Variants in MAP3K13 observed in about 807,000 individuals in gnomAD.
MAP3K13 encodes the protein leucine zipper-bearing kinase.
A neutral mutation model predicts 104.0 loss-of-function variants in MAP3K13; 52 were observed. The observed-to-expected ratio is 0.50, with a 90% confidence interval of 0.40 to 0.63. The LOEUF (loss-of-function observed/expected upper bound fraction) is 0.63, where lower values mean the gene tolerates loss of function less well. Among genes scored for constraint, MAP3K13 ranks in the 20% least tolerant of loss-of-function variants. The probability of loss-of-function intolerance (pLI) is 0.00; values close to 1 mark genes in which losing one functional copy is unlikely to be tolerated. For synonymous variants in MAP3K13, 394 were observed against 442.2 expected, an observed-to-expected ratio of 0.89 and a Z score of 1.37; for missense variants, 914 against 1,218.5, an observed-to-expected ratio of 0.75 and a Z score of 3.72.
chr3:185,356,632 T>C (rs1025554433), intron 2 of MAP3K13, among the ~76,000 whole-genome samples: 4 of 152,184 alleles, frequency 2.6e-5, no homozygotes, highest in Admixed American at 2.0e-4. Flanking sequence ...ACCCAGCCAA[T>C]AGTTGTCAAA....
intron 4 of MAP3K13, among the ~76,000 whole-genome samples, chr3:185,446,337 G>A: frequency 6.6e-6 from 1 of 151,180 alleles, no homozygotes; most frequent in East Asian, 1.9e-4. Context: ...CTCACTGCAA[G>A]CTCCGCCTCC....
chr3:185,459,114 G>A (rs764200988), intron 7 of MAP3K13, among the ~76,000 whole-genome samples: 7 of 152,088 alleles, frequency 4.6e-5, no homozygotes, highest in Non-Finnish European at 1.0e-4. Flanking sequence ...CATTGTGACC[G>A]CCCAGAAATG....
At chr3:185,438,577 G>A (rs6765692) in intron 3 of MAP3K13, among the ~76,000 whole-genome samples, 22,635 of 152,134 alleles carry the variant, frequency 0.15, 1,958 homozygotes, top group South Asian at 0.26. Context: ...CAAAGTGATT[G>A]TTTTCAAGAG....
intron 1 of MAP3K13, among the ~76,000 whole-genome samples, chr3:185,371,809 G>A (rs1724176490): frequency 6.6e-6 from 1 of 152,094 alleles, no homozygotes; most frequent in Non-Finnish European, 1.5e-5. Context: ...TCCTAAAGGG[G>A]GGCTGTCACA....
chr3:185,353,033 C>T (rs766571501), intron 2 of MAP3K13, among the ~76,000 whole-genome samples: 2 of 152,194 alleles, frequency 1.3e-5, no homozygotes, highest in Non-Finnish European at 2.9e-5. Context: ...CTTTCCAATG[C>T]GGCTTCATTA....
At chr3:185,378,336 GC>G (rs1384827022) in intron 1 of MAP3K13, among the ~76,000 whole-genome samples, 1 of 152,190 alleles carries the variant, frequency 6.6e-6, no homozygotes, top group African/African-American at 2.4e-5. Context: ...TGCCAAACGG[GC>G]CATGAACTGG....
intron 2 of MAP3K13, among the ~76,000 whole-genome samples, chr3:185,311,858 T>C (rs1237528711): frequency 1.3e-5 from 2 of 152,208 alleles, no homozygotes; most frequent in African/African-American, 2.4e-5. Context: ...GCCTACACAG[T>C]CATCAAAAGG....
chr3:185,367,834 G>A (rs1030514550), intron 1 of MAP3K13, among the ~76,000 whole-genome samples: 2 of 152,182 alleles, frequency 1.3e-5, no homozygotes, highest in African/African-American at 4.8e-5. Context: ...GTGCTCAAGT[G>A]ATCCTCCTGC....
intron 10 of MAP3K13, among the ~76,000 whole-genome samples, chr3:185,469,706 T>G (rs934583004): frequency 6.6e-6 from 1 of 152,194 alleles, no homozygotes; most frequent in Non-Finnish European, 1.5e-5. Flanking sequence ...GTGGCCTCAC[T>G]TTAGCATCAT....
At position 185,480,240 on chromosome 3, in the gene MAP3K13, G is replaced by T. The variant is rs375416373; in HGVS notation, c.2510G>T (p.Arg837Leu). 6 of 1,613,528 alleles carry T rather than the reference G, an allele frequency of 3.7e-6. No homozygotes were observed. The highest frequency in any genetic ancestry group is 5.1e-6 in the Non-Finnish European group (6 of 1,179,836). Reference protein sequence around the residue: ...VEFPRRQRPHRCISSCQSYST... With the variant: ...VEFPRRQRPHLCISSCQSYST... ...GTTCTTCTTGGTTCTAGGCCCCATC[G>T]CTGTATCAGCAGCTGCCAGTCATAT... The change falls in exon 13 of 14, where the codon CGC becomes CTC. Residue 837 changes from arginine (R) to leucine (L), a missense_variant. By Grantham distance (102) the Arg-to-Leu change is moderately radical. Coordinates refer to ENST00000265026, the MANE Select transcript of MAP3K13 (RefSeq NM_004721.5).
chr3:185,387,254 G>A (rs912326656), intron 1 of MAP3K13, among the ~76,000 whole-genome samples: 3 of 152,148 alleles, frequency 2.0e-5, no homozygotes, highest in Non-Finnish European at 2.9e-5. Context: ...GATCCCTCAT[G>A]AATATACTAA....
At chr3:185,298,922 A>ATGT (rs1721006600) in intron 2 of MAP3K13, among the ~76,000 whole-genome samples, 1 of 152,228 alleles carries the variant, frequency 6.6e-6, no homozygotes, top group Non-Finnish European at 1.5e-5. Flanking sequence ...TGTTTGGAAA[A>ATGT]TGTTGCAGTC....
At chr3:185,305,303 C>A (rs921579453) in intron 2 of MAP3K13, among the ~76,000 whole-genome samples, 2 of 152,120 alleles carry the variant, frequency 1.3e-5, no homozygotes, top group Admixed American at 1.3e-4. Context: ...TTGGTGTTTA[C>A]AATGGGGATT....
chr3:185,375,504 A>G (rs555408450), intron 1 of MAP3K13, among the ~76,000 whole-genome samples: 6 of 152,196 alleles, frequency 3.9e-5, no homozygotes, highest in Non-Finnish European at 8.8e-5. Context: ...AAATGACAAC[A>G]GAATAGAATG....
chr3:185,442,037 T>TGAA (rs1577562950), intron 3 of MAP3K13, among the ~76,000 whole-genome samples: 1 of 103,374 alleles, frequency 9.7e-6, no homozygotes, highest in Non-Finnish European at 2.1e-5. Context: ...CGACTCTGTC[T>TGAA]CAAAAAAAAA....
intron 2 of MAP3K13, among the ~76,000 whole-genome samples, chr3:185,344,945 C>A (rs887348477): frequency 1.3e-5 from 2 of 151,548 alleles, no homozygotes; most frequent in African/African-American, 4.9e-5. Flanking sequence ...GCACTGCAAC[C>A]TCTGCCTCCC....
At chr3:185,376,309 G>A (rs1275611614) in intron 1 of MAP3K13, among the ~76,000 whole-genome samples, 6 of 152,160 alleles carry the variant, frequency 3.9e-5, no homozygotes, top group African/African-American at 1.4e-4. Flanking sequence ...GTGTGAGGAA[G>A]AAAATAGATT....
At chr3:185,405,714 A>G (rs192779877) in intron 1 of MAP3K13, among the ~76,000 whole-genome samples, 5 of 152,264 alleles carry the variant, frequency 3.3e-5, no homozygotes, top group Admixed American at 6.5e-5. Context: ...TGGTAACTCA[A>G]TCATAGTTGC....
At chr3:185,466,533 T>C (rs887510300) in intron 9 of MAP3K13, among the ~76,000 whole-genome samples, 1 of 151,996 alleles carries the variant, frequency 6.6e-6, no homozygotes, top group Non-Finnish European at 1.5e-5. Flanking sequence ...CATGCCACCA[T>C]GCCCAGCTAA....
Sources: allele counts gnomAD v4.1 joint callset (sites outside exome capture counted in the v4.1 genomes callset), GRCh38; gene constraint gnomAD v4.1.1; transcripts MANE v1.5; gene names NCBI Gene and HGNC (gene_info 2026-07-23, HGNC 2026-07-21).